The following PRKDC variants were observed in gnomAD, a reference collection of about 807,000 sequenced individuals.
PRKDC encodes DNA-dependent protein kinase catalytic subunit.
A neutral mutation model predicts 486.9 loss-of-function variants in PRKDC; 82 were observed. The ratio of observed to expected loss-of-function variants is 0.17; its 90% CI spans 0.14 to 0.20. The LOEUF (loss-of-function observed/expected upper bound fraction) is 0.20. Ranked by LOEUF, PRKDC falls within the 10% of genes least tolerant of loss-of-function variation. The pLI, the probability that PRKDC is intolerant of heterozygous loss-of-function variation, is 1.00. For synonymous variants in PRKDC, 1,895 were observed against 1,837.0 expected (o/e 1.03, Z -0.81); for missense variants, 4,504 against 5,038.2 (o/e 0.89, Z 3.21).
intron 25 of PRKDC, among the ~76,000 whole-genome samples, chr8:47,911,342 G>A (rs1269248694): frequency 6.6e-6 from 1 of 152,220 alleles, no homozygotes; most frequent in South Asian, 2.1e-4. Context: ...TTCACACAGA[G>A]GATGACCTGG....
chr8:47,944,995 G>C (rs2090507529), intron 7 of PRKDC, among the ~76,000 whole-genome samples: 2 of 152,208 alleles, frequency 1.3e-5, no homozygotes, highest in Non-Finnish European at 2.9e-5. Context: ...AGGCTTTCCA[G>C]ATATGGTAGC....
At chr8:47,886,592 A>AT (rs775248188) in intron 35 of PRKDC, among the ~76,000 whole-genome samples, 1 of 152,066 alleles carries the variant, frequency 6.6e-6, no homozygotes, top group Non-Finnish European at 1.5e-5. Flanking sequence ...GCATTTCACC[A>AT]TGTAGTTCAG....
chr8:47,871,701 C>T (rs1338262465), intron 40 of PRKDC, among the ~76,000 whole-genome samples: 4 of 152,032 alleles, frequency 2.6e-5, no homozygotes, highest in South Asian at 4.2e-4. Context: ...AGGGTTCAAG[C>T]GATTCTCCTG....
At chr8:47,829,067 A>G (rs2087805037) in intron 61 of PRKDC, among the ~76,000 whole-genome samples, 1 of 152,244 alleles carries the variant, frequency 6.6e-6, no homozygotes, top group South Asian at 2.1e-4. Context: ...GCATGAAAGC[A>G]TGATAAATAA....
intron 68 of PRKDC, 73 bp downstream of exon 68, chr8:47,817,377 T>C (rs2087469712): frequency 2.8e-6 from 3 of 1,090,636 alleles, no homozygotes; most frequent in East Asian, 2.6e-5. Context: ...CTCTAAACCA[T>C]GGTTTGGAAG....
chr8:47,800,702 C>G, intron 71 of PRKDC, 91 bp downstream of exon 71: 1 of 1,183,316 alleles, frequency 8.5e-7, no homozygotes, highest in Non-Finnish European at 1.1e-6. Flanking sequence ...AAACACAAAG[C>G]AACATCCTTA....
At chr8:47,808,663 A>G (rs2087263794) in intron 68 of PRKDC, among the ~76,000 whole-genome samples, 1 of 152,170 alleles carries the variant, frequency 6.6e-6, no homozygotes, top group Non-Finnish European at 1.5e-5. Flanking sequence ...TATTTGAATC[A>G]TAATTTACAT....
At chr8:47,888,683 G>A in intron 33 of PRKDC, 33 bp from the exon 34 acceptor site, 1 of 1,536,970 alleles carries the variant, frequency 6.5e-7, no homozygotes, top group African/African-American at 1.4e-5. Context: ...AATTAGGTGA[G>A]CTCTGATCTC....
rs2087229389 is a variant in PRKDC, at chr8:47,807,150, C to T, written c.9734G>A (p.Ser3245Asn). The change falls in exon 69 of 86, where the codon AGT becomes AAT. Residue 3245 changes from serine (S) to asparagine (N), a missense_variant. By Grantham distance (46) the Ser-to-Asn change is conservative. Coordinates refer to ENST00000314191, the MANE Select transcript of PRKDC (RefSeq NM_006904.7). ...ACGAGTACCCACCTGCTTCCGGGCACTGTCTATCATCTTCATTTTCATGGA... is the reference window on the plus strand; with the variant it reads ...ACGAGTACCCACCTGCTTCCGGGCATTGTCTATCATCTTCATTTTCATGGA... ...KFSMKMKMID[S>N]ARKQNNFSLA... 1 of 1,613,624 alleles carries T rather than the reference C, an allele frequency of 6.2e-7. No individual in the cohort carries two copies. The highest frequency in any genetic ancestry group is 1.3e-5 in the African/African-American group (1 of 74,922).
At chr8:47,959,151 G>A (rs902771065) in intron 1 of PRKDC, 4 of 152,010 alleles carry the variant, frequency 2.6e-5, no homozygotes, top group Non-Finnish European at 5.9e-5. Flanking sequence ...CTGCATACTC[G>A]TGTTTTAAAG....
intron 54 of PRKDC, among the ~76,000 whole-genome samples, chr8:47,848,031 G>C (rs1290059222): frequency 2.6e-5 from 4 of 152,130 alleles, no homozygotes; most frequent in Admixed American, 6.5e-5. Context: ...ACTTATACAT[G>C]GTTGGTGGGA....
At chr8:47,941,924 T>C (rs2090451664) in intron 10 of PRKDC, among the ~76,000 whole-genome samples, 1 of 152,210 alleles carries the variant, frequency 6.6e-6, no homozygotes, top group Non-Finnish European at 1.5e-5. Context: ...GGCAAGGATG[T>C]GAAACAGAGA....
In PRKDC at chr8:47,830,690, A is replaced by G; in HGVS notation, c.8312T>C (p.Leu2771Pro). ...GTCTCCGTGCCGGTAGCTTCTGTAC[A>G]GAACGACCTGGGCATCCTGCTTCAT... ...LKMKQDAQVV[L>P]YRSYRHGDLP... Residue 2771 changes from leucine to proline, a missense_variant, in exon 61 of 86, where the codon CTG (leucine) becomes CCG (proline). Physicochemically the swap from Leu to Pro is moderately conservative, Grantham distance 98 (BLOSUM62 -3). Around this residue, in one of 6 missense-constraint regions of PRKDC, gnomAD observed 1,592 missense variants for 1,724.6 expected, o/e 0.92. Transcript: ENST00000314191. 6.2e-7 allele frequency: 1 copy of G among 1,614,026 alleles called. No homozygotes were observed. Among genetic ancestry groups the G allele is most frequent in the Non-Finnish European group, 8.5e-7 (1 of 1,179,898 alleles).
chr8:47,823,989 T>C lies in PRKDC; in HGVS notation c.8791A>G (p.Arg2931Gly). The C allele has an allele frequency of 6.2e-7, 1 of 1,601,906 alleles. No individual in the cohort carries two copies. The highest frequency in any genetic ancestry group is 8.5e-7 in the Non-Finnish European group (1 of 1,171,658). Residue 2931 changes from arginine (R) to glycine (G), a missense_variant, in exon 64 of 86, where the codon AGA becomes GGA. Arg to Gly is a moderately radical substitution (Grantham distance 125, BLOSUM62 -2). Transcript: ENST00000314191. ...LRWVELAKLY[R>G]SIGEYDVLRG... The stretch of plus-strand genomic sequence containing the variant: ...AGGACGTCGTATTCTCCAATTGATC[T>C]ATACAGCCTACAAAACAAATCAAAA...
chr8:47,904,062 T>C (rs189084912), intron 26 of PRKDC, among the ~76,000 whole-genome samples: 18 of 152,160 alleles, frequency 1.2e-4, no homozygotes, highest in African/African-American at 4.3e-4. Context: ...AAATTTATAG[T>C]AAAATAAGCA....
intron 27 of PRKDC, among the ~76,000 whole-genome samples, chr8:47,901,833 T>C (rs936461404): frequency 1.3e-5 from 2 of 152,180 alleles, no homozygotes; most frequent in African/African-American, 4.8e-5. Context: ...ACAATATTCC[T>C]AATAAGGAAT....
chr8:47,859,172 C>T (rs1462283969), intron 46 of PRKDC, among the ~76,000 whole-genome samples, 186 bp from the exon 47 acceptor site: 1 of 152,174 alleles, frequency 6.6e-6, no homozygotes. Flanking sequence ...TCATGTCTTC[C>T]TTGCATCCCA....
rs1053779406 is a variant in PRKDC, at chr8:47,917,902, G to C, written c.2526+375C>G. The stretch of plus-strand genomic sequence containing the variant: ...CTCCCATTGCCCAGGCTGGAGTGCA[G>C]TGGTGTGATCTTGCTCACTACAGCC... On this transcript the variant is annotated intron_variant, in intron 22 of 85. Coordinates refer to ENST00000314191, the MANE Select transcript of PRKDC (RefSeq NM_006904.7). Among the ~76,000 whole-genome samples, 8 of 152,180 alleles carry C rather than the reference G, an allele frequency of 5.3e-5. 1 individual carries two copies. Among genetic ancestry groups the C allele is most frequent in the African/African-American group, 1.9e-4 (8 of 41,456 alleles).
intron 10 of PRKDC, among the ~76,000 whole-genome samples, chr8:47,941,873 A>C (rs2090450468): frequency 6.6e-6 from 1 of 152,242 alleles, no homozygotes; most frequent in African/African-American, 2.4e-5. Context: ...TATTCAATGT[A>C]GTTTTCATTA....
Sources: gnomAD v4.1 joint callset for allele counts (sites outside exome capture counted in the v4.1 genomes callset) on GRCh38, gnomAD v4.1.1 for gene constraint, gnomAD v4.1.1 regional missense constraint, MANE v1.5 for transcripts, NCBI Gene and HGNC (gene_info 2026-07-23, HGNC 2026-07-21) for gene names.